The following STMND1 variants were observed in gnomAD, a reference collection of about 807,000 sequenced individuals.
The protein encoded by STMND1 is stathmin domain-containing protein 1.
Under a neutral mutation model 23.0 loss-of-function variants are expected in STMND1, and 17 were observed. The ratio of observed to expected loss-of-function variants is 0.74; its 90% CI spans 0.51 to 1.11. The LOEUF is 1.11. Ranked by LOEUF, STMND1 falls within the 50% of genes least tolerant of loss-of-function variation. STMND1 has a pLI of 0.00. For synonymous variants in STMND1, 114 were observed against 119.9 expected (o/e 0.95, Z 0.32); for missense variants, 305 against 329.1 (o/e 0.93, Z 0.57).
rs2113482179 is a variant in STMND1 at position 17,115,123 on chromosome 6, C to T, written c.243C>T (p.Asn81=). ...SENSPSPSER[N]RRVNSDLVTN... Reference sequence around the variant, plus strand: ...ATTCTCCATCTCCTAGTGAAAGAAACAGACGAGTAAATTCAGGTAACCTCC... The same window carrying T: ...ATTCTCCATCTCCTAGTGAAAGAAATAGACGAGTAAATTCAGGTAACCTCC... Residue 81 remains asparagine (N), a synonymous_variant, in exon 2 of 5, where the codon AAC becomes AAT. Transcript: ENST00000536551. The T allele has an allele frequency of 6.5e-7, 1 of 1,534,976 alleles. No homozygotes were observed. Among genetic ancestry groups the T allele is most frequent in the Non-Finnish European group, 8.7e-7 (1 of 1,146,538 alleles).
At position 17,130,584 on chromosome 6, in the gene STMND1, T is replaced by C; in HGVS notation, c.544-10T>C. Reference sequence around the variant, plus strand: ...CACGCTCTTTTTCATTCTTTAATACTGCATTTCAGACTAAAGAAGAAGAAA... The same window carrying C: ...CACGCTCTTTTTCATTCTTTAATACCGCATTTCAGACTAAAGAAGAAGAAA... On this transcript the variant is annotated splice_polypyrimidine_tract_variant and intron_variant, in intron 4 of 4. Transcript: ENST00000536551. 1 of 1,496,846 alleles carries C rather than the reference T, an allele frequency of 6.7e-7. No individual in the cohort carries two copies. The highest frequency in any genetic ancestry group is 8.9e-7 in the Non-Finnish European group (1 of 1,129,020). 92.7% of individuals were successfully genotyped at this position (1,496,846 alleles called of 1,614,324 possible). A position where few individuals can be genotyped will look rare whatever the true frequency, so the allele number is the denominator to read the frequency against.
chr6:17,125,026 AGT>A (rs1407793652), intron 3 of STMND1, among the ~76,000 whole-genome samples: 1 of 150,758 alleles, frequency 6.6e-6, no homozygotes, highest in Non-Finnish European at 1.5e-5. Flanking sequence ...AAAAAAAAAA[AGT>A]TAAATGTGCT....
chr6:17,107,730 G>T (rs1225174776), intron 1 of STMND1, among the ~76,000 whole-genome samples: 1 of 152,102 alleles, frequency 6.6e-6, no homozygotes, highest in East Asian at 1.9e-4. Flanking sequence ...CTGAGTAGCT[G>T]GGAATACAAG....
intron 2 of STMND1, among the ~76,000 whole-genome samples, chr6:17,117,477 G>A (rs985396201): frequency 6.6e-6 from 1 of 152,082 alleles, no homozygotes; most frequent in Non-Finnish European, 1.5e-5. Context: ...TTCAGGATCT[G>A]TCTAATCCAG....
At chr6:17,108,250 T>C (rs1335052046) in intron 1 of STMND1, among the ~76,000 whole-genome samples, 13 of 152,148 alleles carry the variant, frequency 8.5e-5, no homozygotes, top group Admixed American at 8.5e-4. Flanking sequence ...GTCACTGAGG[T>C]TGTGGTATTT....
intron 2 of STMND1, among the ~76,000 whole-genome samples, chr6:17,116,950 T>A (rs973361773): frequency 6.6e-6 from 1 of 152,180 alleles, no homozygotes; most frequent in African/African-American, 2.4e-5. Context: ...TTTTTTCTGT[T>A]AATAAGTTAC....
intron 1 of STMND1, among the ~76,000 whole-genome samples, chr6:17,107,243 T>C (rs1386329680): frequency 6.6e-6 from 1 of 152,208 alleles, no homozygotes; most frequent in Non-Finnish European, 1.5e-5. Context: ...CCAAAAGCTA[T>C]AGAACAAATG....
rs1293252519 is a variant in STMND1 at position 17,102,246 on chromosome 6, C to T, written c.-12C>T. On this transcript the variant is annotated 5_prime_UTR_variant, in exon 1 of 5. Coordinates refer to ENST00000536551, the MANE Select transcript of STMND1 (RefSeq NM_001190766.2). ...CAGCCAAGCCCGCGGAGGAGGAGCG[C>T]GCGCGCGCAGCATGGGCTGTGGACC... The T allele has an allele frequency of 9.8e-6, 15 of 1,524,668 alleles. No homozygotes were observed. Among genetic ancestry groups the T allele is most frequent in the Non-Finnish European group, 1.2e-5 (14 of 1,142,156 alleles). The allele number at this position is 1,524,668 out of a possible 1,614,324, so 94.4% of individuals were successfully genotyped here. A position where few individuals can be genotyped will look rare whatever the true frequency, so the allele number is the denominator to read the frequency against.
chr6:17,123,860 G>C (rs1359923238), intron 3 of STMND1, among the ~76,000 whole-genome samples: 1 of 152,156 alleles, frequency 6.6e-6, no homozygotes, highest in Non-Finnish European at 1.5e-5. Context: ...TTTCAATTCA[G>C]AGGTAGCTGA....
intron 4 of STMND1, among the ~76,000 whole-genome samples, chr6:17,129,853 G>GA (rs1024339930): frequency 1.5e-4 from 22 of 147,900 alleles, no homozygotes; most frequent in Admixed American, 4.7e-4. Context: ...CCAAAAAAAA[G>GA]AAAAAAAAAA....
intron 1 of STMND1, among the ~76,000 whole-genome samples, chr6:17,111,137 A>T (rs1280207742): frequency 6.6e-6 from 1 of 152,184 alleles, no homozygotes; most frequent in Non-Finnish European, 1.5e-5. Context: ...ACTGTGAAAA[A>T]TTTAACACGG....
intron 1 of STMND1, among the ~76,000 whole-genome samples, chr6:17,107,526 C>T (rs1364718664): frequency 6.6e-6 from 1 of 152,198 alleles, no homozygotes; most frequent in African/African-American, 2.4e-5. Context: ...ATTCCATCCC[C>T]TCCCCAAGTA....
intron 2 of STMND1, among the ~76,000 whole-genome samples, chr6:17,116,512 T>A (rs1361059958): frequency 1.3e-5 from 2 of 152,130 alleles, no homozygotes; most frequent in African/African-American, 4.8e-5. Context: ...CAATCTCCGC[T>A]CACTGCAACC....
At position 17,113,781 on chromosome 6, in the gene STMND1, T is replaced by C. The variant is rs116605708; in HGVS notation, c.82-1181T>C. Among the ~76,000 whole-genome samples the C allele has an allele frequency of 3.6e-3, 549 of 152,194 alleles. 2 individuals are homozygous for C. The highest frequency in any genetic ancestry group is 0.014 in the South Asian group (69 of 4,800). The stretch of plus-strand genomic sequence containing the variant: ...CCACATCCAGCCTGTATTACTTTTT[T>C]AATCAGCAAAAACAATATAGCTTCG... On this transcript the variant is annotated intron_variant, in intron 1 of 4. Coordinates refer to ENST00000536551, the MANE Select transcript of STMND1 (RefSeq NM_001190766.2).
intron 3 of STMND1, chr6:17,128,173 G>T (rs1399260767): frequency 6.6e-6 from 1 of 152,118 alleles, no homozygotes; most frequent in Non-Finnish European, 1.5e-5. Flanking sequence ...AATACTTTAT[G>T]ACAATTTTAC....
At position 17,129,113 on chromosome 6, in the gene STMND1, T is replaced by A. The variant is rs1761349310; in HGVS notation, c.413T>A (p.Leu138Ter). 1 of 1,535,128 alleles carries A rather than the reference T, an allele frequency of 6.5e-7. No individual in the cohort carries two copies. ...ATGTAAAAAGATGTTTTATTCCAGTTGACTACGACTGAGAAGCCATTGAGA... is the reference window on the plus strand; with the variant it reads ...ATGTAAAAAGATGTTTTATTCCAGTAGACTACGACTGAGAAGCCATTGAGA... ...FRNGESYDVT[L>*]TTTEKPLRKP... Residue 138 changes from leucine (L) to a stop codon, truncating the protein, a stop_gained and splice_region_variant, in exon 4 of 5, where the codon TTG (leucine) becomes TAG (stop). Transcript: ENST00000536551. LOFTEE classifies it high-confidence loss of function.
At chr6:17,129,517 C>G (rs1364949720) in intron 4 of STMND1, among the ~76,000 whole-genome samples, 1 of 151,316 alleles carries the variant, frequency 6.6e-6, no homozygotes, top group Admixed American at 6.6e-5. Flanking sequence ...GACTACAGGC[C>G]CATACCACTA....
intron 2 of STMND1, among the ~76,000 whole-genome samples, chr6:17,117,870 A>T (rs1210616551): frequency 1.3e-5 from 2 of 148,852 alleles, no homozygotes; most frequent in Non-Finnish European, 3.0e-5. Context: ...GTAGAGACGG[A>T]GTTTCACCAT....
chr6:17,130,809 C>A lies in STMND1; in HGVS notation c.759C>A (p.Asn253Lys). Residue 253 changes from asparagine (N) to lysine (K), a missense_variant, in exon 5 of 5, where the codon AAC becomes AAA. Coordinates refer to ENST00000536551, the MANE Select transcript of STMND1 (RefSeq NM_001190766.2). ...SKCDATLIDR[N>K]ESDESFGVVE... ...GTGATGCAACCTTGATTGATAGAAACGAAAGTGATGAAAGTTTTGGGGTCG... is the reference window on the plus strand; with the variant it reads ...GTGATGCAACCTTGATTGATAGAAAAGAAAGTGATGAAAGTTTTGGGGTCG... 2 of 1,535,926 alleles carry A rather than the reference C, an allele frequency of 1.3e-6. No individual in the cohort carries two copies. Among genetic ancestry groups the A allele is most frequent in the Non-Finnish European group, 1.7e-6 (2 of 1,146,878 alleles).
Sources: allele counts gnomAD v4.1 joint callset (sites outside exome capture counted in the v4.1 genomes callset), GRCh38; gene constraint gnomAD v4.1.1; transcripts MANE v1.5; gene names NCBI Gene and HGNC (gene_info 2026-07-23, HGNC 2026-07-21).